Variants in CTNND2 observed in about 807,000 individuals in gnomAD.
CTNND2 encodes the protein catenin delta-2.
CTNND2 carries 22 observed loss-of-function variants against 144.4 expected under a neutral mutation model. The observed-to-expected ratio is 0.15, with a 90% confidence interval of 0.11 to 0.22. The LOEUF (loss-of-function observed/expected upper bound fraction) is 0.22. Among genes scored for constraint, CTNND2 ranks in the 10% least tolerant of loss-of-function variants. CTNND2 has a pLI of 1.00. For synonymous variants in CTNND2, 751 were observed against 695.6 expected (o/e 1.08, Z -1.25); for missense variants, 1,353 against 1,618.8 (o/e 0.84, Z 2.82).
At chr5:11,444,201 T>A (rs1011283810) in intron 3 of CTNND2, among the ~76,000 whole-genome samples, 1 of 152,164 alleles carries the variant, frequency 6.6e-6, no homozygotes, top group Non-Finnish European at 1.5e-5. Context: ...CTAAATAAAT[T>A]AATTACTGGG....
chr5:11,116,376 C>T (rs1487812866), intron 13 of CTNND2, among the ~76,000 whole-genome samples: 1 of 152,208 alleles, frequency 6.6e-6, no homozygotes, highest in Non-Finnish European at 1.5e-5. Context: ...ATGCACAAGA[C>T]AGTCACATGA....
At chr5:11,597,710 A>C (rs1288774515) in intron 2 of CTNND2, among the ~76,000 whole-genome samples, 1 of 152,022 alleles carries the variant, frequency 6.6e-6, no homozygotes, top group Non-Finnish European at 1.5e-5. Flanking sequence ...AGTAGATGGG[A>C]CTACAGGTGT....
At chr5:11,863,823 CA>C (rs1330765055) in intron 1 of CTNND2, among the ~76,000 whole-genome samples, 3 of 152,128 alleles carry the variant, frequency 2.0e-5, no homozygotes, top group African/African-American at 7.2e-5. Flanking sequence ...TTGTCTGACA[CA>C]AAGAGATGGT....
intron 1 of CTNND2, among the ~76,000 whole-genome samples, chr5:11,882,128 A>C (rs940957545): frequency 6.6e-6 from 1 of 152,048 alleles, no homozygotes; most frequent in Non-Finnish European, 1.5e-5. Flanking sequence ...TCCTTGCCAG[A>C]TGGATAGTTT....
At chr5:11,364,456 G>T in intron 8 of CTNND2, 1 of 388,972 alleles carries the variant, frequency 2.6e-6, no homozygotes, top group Non-Finnish European at 4.5e-6. Context: ...TTTTCTCTTT[G>T]ACAAAATGAG....
At chr5:11,292,532 TG>T (rs546968643) in intron 9 of CTNND2, among the ~76,000 whole-genome samples, 122 of 152,166 alleles carry the variant, frequency 8.0e-4, no homozygotes, top group African/African-American at 2.9e-3. Context: ...CTCATGATAG[TG>T]AGTGAATTCT....
chr5:11,834,471 T>C (rs1170587953), intron 1 of CTNND2, among the ~76,000 whole-genome samples: 1 of 152,220 alleles, frequency 6.6e-6, no homozygotes, highest in Non-Finnish European at 1.5e-5. Context: ...GGGTGATGAA[T>C]ATGTTAATTA....
chr5:11,050,832 C>A (rs2149581627), intron 16 of CTNND2, among the ~76,000 whole-genome samples: 1 of 152,302 alleles, frequency 6.6e-6, no homozygotes, highest in East Asian at 1.9e-4. Flanking sequence ...GAGGACCAAC[C>A]AGAGAAGGCC....
At chr5:11,735,464 G>T (rs960646563) in intron 1 of CTNND2, among the ~76,000 whole-genome samples, 2 of 152,082 alleles carry the variant, frequency 1.3e-5, no homozygotes, top group African/African-American at 4.8e-5. Context: ...TGAGAAAGCC[G>T]CCGTGACCTT....
intron 3 of CTNND2, among the ~76,000 whole-genome samples, chr5:11,507,256 G>A (rs16901689): frequency 6.6e-6 from 1 of 152,098 alleles, no homozygotes; most frequent in African/African-American, 2.4e-5. Context: ...GGTTCTTTAC[G>A]AAATGAAGAA....
chr5:11,508,116 T>A (rs1771253890), intron 3 of CTNND2, among the ~76,000 whole-genome samples: 1 of 152,208 alleles, frequency 6.6e-6, no homozygotes, highest in Non-Finnish European at 1.5e-5. Context: ...ATTACTTTAA[T>A]GAAACAATGT....
At chr5:11,185,975 T>C (rs539814295) in intron 11 of CTNND2, among the ~76,000 whole-genome samples, 1 of 152,350 alleles carries the variant, frequency 6.6e-6, no homozygotes, top group African/African-American at 2.4e-5. Flanking sequence ...AAGCCACAAA[T>C]CAGTTATGCA....
intron 3 of CTNND2, among the ~76,000 whole-genome samples, chr5:11,452,193 A>G (rs905456310): frequency 1.4e-4 from 21 of 152,250 alleles, no homozygotes; most frequent in African/African-American, 5.1e-4. Context: ...CTGAACATCA[A>G]TAAAAACGGC....
At chr5:11,528,167 G>A (rs190587742) in intron 3 of CTNND2, among the ~76,000 whole-genome samples, 1 of 152,156 alleles carries the variant, frequency 6.6e-6, no homozygotes, top group East Asian at 1.9e-4. Context: ...TGAACATATT[G>A]TTACTACTGC....
chr5:11,566,489 C>T (rs191963662), intron 2 of CTNND2, among the ~76,000 whole-genome samples: 2 of 152,096 alleles, frequency 1.3e-5, no homozygotes, highest in Admixed American at 6.6e-5. Flanking sequence ...GACTTCTTAA[C>T]GTATTGCATC....
chr5:11,902,003 A>G (rs1379065545), intron 1 of CTNND2, among the ~76,000 whole-genome samples: 1 of 152,236 alleles, frequency 6.6e-6, no homozygotes, highest in Non-Finnish European at 1.5e-5. Flanking sequence ...CTGAATGTGA[A>G]TAAGGTGAAA....
intron 2 of CTNND2, among the ~76,000 whole-genome samples, chr5:11,591,483 C>A (rs1382422171): frequency 6.6e-6 from 1 of 152,020 alleles, no homozygotes; most frequent in Non-Finnish European, 1.5e-5. Flanking sequence ...CATACCAGTC[C>A]CGTTTATTTC....
chr5:11,444,218 G>C (rs967334234), intron 3 of CTNND2, among the ~76,000 whole-genome samples: 1 of 152,164 alleles, frequency 6.6e-6, no homozygotes, highest in Non-Finnish European at 1.5e-5. Context: ...TGGGCTGCTG[G>C]AGAACTGGTG....
At chr5:11,401,537 C>T (rs949074419) in intron 5 of CTNND2, among the ~76,000 whole-genome samples, 1 of 152,196 alleles carries the variant, frequency 6.6e-6, no homozygotes, top group African/African-American at 2.4e-5. Flanking sequence ...CATCTCCATA[C>T]TTATTTGACC....
Sources: allele counts gnomAD v4.1 joint callset (sites outside exome capture counted in the v4.1 genomes callset), GRCh38; gene constraint gnomAD v4.1.1; transcripts MANE v1.5; gene names NCBI Gene and HGNC (gene_info 2026-07-23, HGNC 2026-07-21).